PRKCH: variants seen among roughly 807,000 people sequenced by gnomAD.
The protein encoded by PRKCH is protein kinase C eta.
PRKCH carries 28 observed loss-of-function variants against 82.5 expected under a neutral mutation model. That is an observed-to-expected ratio of 0.34 (90% CI 0.25 to 0.47). The LOEUF (loss-of-function observed/expected upper bound fraction) is 0.47, where lower values mean the gene tolerates loss of function less well. Ranked by LOEUF, PRKCH falls within the 20% of genes least tolerant of loss-of-function variation. The pLI, the probability that PRKCH is intolerant of heterozygous loss-of-function variation, is 1.00. For synonymous variants in PRKCH, 322 were observed against 327.4 expected (o/e 0.98, Z 0.18); for missense variants, 705 against 881.8 (o/e 0.80, Z 2.54).
intron 2 of PRKCH, among the ~76,000 whole-genome samples, chr14:61,407,387 A>C (rs1288917767): frequency 1.3e-5 from 2 of 152,230 alleles, no homozygotes; most frequent in African/African-American, 4.8e-5. Flanking sequence ...ACAGGAGAAC[A>C]TAACAATGCT....
chr14:61,237,362 T>C (rs1455947729), intron 1 of PRKCH, among the ~76,000 whole-genome samples: 1 of 152,208 alleles, frequency 6.6e-6, no homozygotes, highest in Non-Finnish European at 1.5e-5. Flanking sequence ...CTTTGACATA[T>C]TTTGAAATGA....
chr14:61,201,334 C>T (rs373588863), intron 1 of PRKCH, among the ~76,000 whole-genome samples: 1 of 152,086 alleles, frequency 6.6e-6, no homozygotes, highest in East Asian at 1.9e-4. Flanking sequence ...GATTGAGTAA[C>T]TCTACCAAGT....
At chr14:61,309,336 C>A (rs892949457) in intron 1 of PRKCH, among the ~76,000 whole-genome samples, 3 of 152,100 alleles carry the variant, frequency 2.0e-5, no homozygotes, top group Non-Finnish European at 4.4e-5. Flanking sequence ...AGGGTTGAGC[C>A]CCCTGCATAG....
chr14:61,367,734 T>C (rs1241062323), intron 1 of PRKCH, among the ~76,000 whole-genome samples: 1 of 128,298 alleles, frequency 7.8e-6, no homozygotes, highest in African/African-American at 3.5e-5. Context: ...TTTTTTTTTT[T>C]TAAACAGTCT....
At chr14:61,231,395 C>T (rs1357771152) in intron 1 of PRKCH, among the ~76,000 whole-genome samples, 1 of 144,742 alleles carries the variant, frequency 6.9e-6, no homozygotes, top group Admixed American at 7.0e-5. Flanking sequence ...CAGAGTCTCA[C>T]TCTGTCACCC....
intron 1 of PRKCH, among the ~76,000 whole-genome samples, chr14:61,386,174 A>T (rs1450446125): frequency 1.3e-5 from 2 of 152,172 alleles, no homozygotes; most frequent in Non-Finnish European, 2.9e-5. Flanking sequence ...GAATTAAGAG[A>T]TGGGGATACT....
intron 1 of PRKCH, among the ~76,000 whole-genome samples, chr14:61,253,143 GA>G (rs2044961719): frequency 6.6e-6 from 1 of 152,144 alleles, no homozygotes; most frequent in South Asian, 2.1e-4. Context: ...TAGGTTTCTA[GA>G]AACACCGTTT....
chr14:61,268,329 GT>G (rs2045122494), intron 1 of PRKCH, among the ~76,000 whole-genome samples: 1 of 152,124 alleles, frequency 6.6e-6, no homozygotes, highest in East Asian at 1.9e-4. Flanking sequence ...TTGAAGAATG[GT>G]ACCAGCTTCA....
chr14:61,375,891 A>G (rs946765027), intron 1 of PRKCH, among the ~76,000 whole-genome samples: 1 of 151,796 alleles, frequency 6.6e-6, no homozygotes, highest in Non-Finnish European at 1.5e-5. Context: ...AGCCAGGTTT[A>G]TTAAAAACTC....
intron 2 of PRKCH, among the ~76,000 whole-genome samples, chr14:61,394,975 GA>G (rs1259591985): frequency 1.7e-4 from 26 of 152,316 alleles, no homozygotes; most frequent in African/African-American, 6.0e-4. Context: ...TACAGTGATA[GA>G]GATTGATGTC....
intron 1 of PRKCH, among the ~76,000 whole-genome samples, chr14:61,200,539 A>G (rs2044472983): frequency 6.6e-6 from 1 of 152,162 alleles, no homozygotes; most frequent in Non-Finnish European, 1.5e-5. Flanking sequence ...ATCTCTTTCC[A>G]TTTGTCAGGG....
chr14:61,320,641 T>C (rs930127219), upstream of PRKCH, among the ~76,000 whole-genome samples: 1 of 152,044 alleles, frequency 6.6e-6, no homozygotes, highest in African/African-American at 2.4e-5. Context: ...GGCCTAGGCT[T>C]TTTGGGGAAC....
chr14:61,292,483 A>G (rs1486322143), intron 1 of PRKCH, among the ~76,000 whole-genome samples: 1 of 151,952 alleles, frequency 6.6e-6, no homozygotes, highest in East Asian at 1.9e-4. Context: ...TCTCAAAAAA[A>G]GACAAAACAA....
chr14:61,430,838 G>A (rs577952603), intron 2 of PRKCH, among the ~76,000 whole-genome samples: 354 of 151,126 alleles, frequency 2.3e-3, no homozygotes, highest in African/African-American at 7.7e-3. Context: ...CACTGCAATC[G>A]CTGCCTCCCG....
intron 3 of PRKCH, among the ~76,000 whole-genome samples, chr14:61,444,486 C>T (rs1320445360): frequency 8.1e-6 from 1 of 123,186 alleles, no homozygotes; most frequent in African/African-American, 2.9e-5. Flanking sequence ...GTGATGGCCC[C>T]TGACCTGAAC....
At chr14:61,222,650 A>T (rs2140053643) in intron 1 of PRKCH, among the ~76,000 whole-genome samples, 1 of 152,298 alleles carries the variant, frequency 6.6e-6, no homozygotes, top group South Asian at 2.1e-4. Context: ...CCTCATGGGG[A>T]GATATGATTG....
intron 10 of PRKCH, among the ~76,000 whole-genome samples, chr14:61,490,701 T>A (rs1594758399): frequency 1.3e-5 from 2 of 152,134 alleles, no homozygotes; most frequent in Middle Eastern, 3.4e-3. Flanking sequence ...ATCTGTTGAG[T>A]CTAGGGGTTC....
chr14:61,228,817 G>T (rs1426696736), intron 1 of PRKCH, among the ~76,000 whole-genome samples: 2 of 152,038 alleles, frequency 1.3e-5, no homozygotes, highest in African/African-American at 2.4e-5. Flanking sequence ...AAAGCAGGAG[G>T]ATTGCTTGGG....
intron 1 of PRKCH, among the ~76,000 whole-genome samples, chr14:61,373,341 A>G (rs980991241): frequency 2.6e-5 from 4 of 151,730 alleles, no homozygotes; most frequent in Non-Finnish European, 4.4e-5. Context: ...TAGAAAGAGA[A>G]AGGGAGAGTA....
Sources: allele counts gnomAD v4.1 joint callset (sites outside exome capture counted in the v4.1 genomes callset), GRCh38; gene constraint gnomAD v4.1.1; transcripts MANE v1.5; gene names NCBI Gene and HGNC (gene_info 2026-07-23, HGNC 2026-07-21).